CNKSR2: variants seen among roughly 807,000 people sequenced by gnomAD.
The protein encoded by CNKSR2 is CNK homolog protein 2.
A neutral mutation model predicts 84.4 loss-of-function variants in CNKSR2; 14 were observed. The observed-to-expected ratio is 0.17, with a 90% CI of 0.11 to 0.26. CNKSR2 has a LOEUF of 0.26. Among genes scored for constraint, CNKSR2 ranks in the 10% least tolerant of loss-of-function variants. The pLI, the probability that CNKSR2 is intolerant of heterozygous loss-of-function variation, is 1.00. For synonymous variants in CNKSR2, 275 were observed against 277.9 expected (o/e 0.99, Z 0.10); for missense variants, 485 against 771.2 (o/e 0.63, Z 4.40).
chrX:21,490,844 C>T (rs2147042001), intron 6 of CNKSR2: 1 of 164,219 alleles, frequency 6.1e-6, no homozygotes, highest in African/African-American at 3.1e-5. Context: ...TACATTCTTT[C>T]ACCTCCCTCC....
intron 1 of CNKSR2, among the ~76,000 whole-genome samples, chrX:21,386,138 G>A (rs1001778552): frequency 9.2e-6 from 1 of 108,899 alleles, no homozygotes; most frequent in African/African-American, 3.3e-5. Flanking sequence ...ACATTCATAA[G>A]TATATCACAT....
chrX:21,444,762 T>TA (rs142552074), intron 4 of CNKSR2, among the ~76,000 whole-genome samples: 122 of 99,480 alleles, frequency 1.2e-3, no homozygotes, highest in Non-Finnish European at 1.4e-3. Context: ...AAATGTGATT[T>TA]AAAAAAAAAA....
At chrX:21,523,343 C>G (rs906648620) in intron 9 of CNKSR2, among the ~76,000 whole-genome samples, 1 of 111,092 alleles carries the variant, frequency 9.0e-6, no homozygotes, top group African/African-American at 3.3e-5. Context: ...AGATGTAATC[C>G]TAAAGCAGTC....
At chrX:21,521,530 A>G (rs1389852764) in intron 9 of CNKSR2, among the ~76,000 whole-genome samples, 1 of 110,810 alleles carries the variant, frequency 9.0e-6, no homozygotes, top group Non-Finnish European at 1.9e-5. Flanking sequence ...AATTTGAGAA[A>G]ATGGAAGTCC....
At chrX:21,494,913 C>T (rs1434496169) in intron 6 of CNKSR2, 1 of 111,542 alleles carries the variant, frequency 9.0e-6, no homozygotes, top group Non-Finnish European at 1.9e-5. Flanking sequence ...TGCCAAATTC[C>T]AAGGACATGT....
intron 20 of CNKSR2, among the ~76,000 whole-genome samples, chrX:21,627,414 G>A (rs2092628747): frequency 9.0e-6 from 1 of 111,480 alleles, no homozygotes; most frequent in Non-Finnish European, 1.9e-5. Context: ...CAGGAGAATG[G>A]TGTGAACCCG....
At chrX:21,586,697 A>G (rs2092390676) in intron 13 of CNKSR2, among the ~76,000 whole-genome samples, 1 of 112,260 alleles carries the variant, frequency 8.9e-6, no homozygotes, top group African/African-American at 3.2e-5. Flanking sequence ...GGAAGGTTAA[A>G]CAGTGGATAT....
At chrX:21,513,256 T>C (rs907999182) in intron 8 of CNKSR2, among the ~76,000 whole-genome samples, 19 of 111,584 alleles carry the variant, frequency 1.7e-4, no homozygotes, top group African/African-American at 6.2e-4. Flanking sequence ...ATTAGAAAGA[T>C]GTGTAACACT....
Position 21,516,037 on chromosome X carries a change from G to A in CNKSR2, c.811-448G>A, listed in dbSNP as rs147073010. 8.4e-3 allele frequency among the ~76,000 whole-genome samples: 933 copies of A among 111,559 alleles called. 6 individuals are homozygous for A. Among genetic ancestry groups the A allele is most frequent in the African/African-American group, 0.028 (845 of 30,725 alleles). ...AATATCAGTCTAATTTAGAGACACTGGTACCACTTATCTCTAAAAGATGGT... is the reference window on the plus strand; with the variant it reads ...AATATCAGTCTAATTTAGAGACACTAGTACCACTTATCTCTAAAAGATGGT... On this transcript the variant is annotated intron_variant, in intron 8 of 21. Coordinates refer to ENST00000379510, the MANE Select transcript of CNKSR2 (RefSeq NM_014927.5).
intron 9 of CNKSR2, among the ~76,000 whole-genome samples, chrX:21,520,675 A>G (rs1601895390): frequency 9.2e-6 from 1 of 108,596 alleles, no homozygotes; most frequent in East Asian, 2.9e-4. Flanking sequence ...CTTTTAAAAC[A>G]TTTAAAAACC....
intron 9 of CNKSR2, among the ~76,000 whole-genome samples, chrX:21,523,830 A>C (rs1271114330): frequency 3.6e-5 from 4 of 110,728 alleles, no homozygotes; most frequent in African/African-American, 1.3e-4. Flanking sequence ...TGATTTAGTC[A>C]AATTTTTCTT....
At chrX:21,440,661 C>T in intron 3 of CNKSR2, 33 bp from the exon 4 acceptor site, 2 of 861,011 alleles carry the variant, frequency 2.3e-6, no homozygotes, top group Non-Finnish European at 3.3e-6. Flanking sequence ...AAAGCTGTTA[C>T]TAGTAATCAC....
chrX:21,510,544 C>T (rs940195276), intron 8 of CNKSR2, among the ~76,000 whole-genome samples: 1 of 111,153 alleles, frequency 9.0e-6, no homozygotes, highest in Non-Finnish European at 1.9e-5. Context: ...CCTCTATGTA[C>T]TGAGGGGAAA....
intron 11 of CNKSR2, among the ~76,000 whole-genome samples, chrX:21,541,885 A>G (rs1257124508): frequency 8.9e-6 from 1 of 112,046 alleles, no homozygotes; most frequent in Non-Finnish European, 1.9e-5. Flanking sequence ...ACCAGTGGTA[A>G]TGCTAGCTAA....
intron 19 of CNKSR2, among the ~76,000 whole-genome samples, chrX:21,607,558 C>G (rs1360116537): frequency 9.0e-6 from 1 of 111,585 alleles, no homozygotes; most frequent in Non-Finnish European, 1.9e-5. Context: ...AATCCCAGCA[C>G]TTTGGGAGGC....
At chrX:21,503,057 G>A (rs1261428952) in intron 8 of CNKSR2, among the ~76,000 whole-genome samples, 1 of 111,509 alleles carries the variant, frequency 9.0e-6, no homozygotes, top group Non-Finnish European at 1.9e-5. Context: ...TGGTCATTAA[G>A]AGGATAGAGA....
In CNKSR2 at chrX:21,598,026, TAC is replaced by T. The variant is rs767891432; in HGVS notation, c.1976+2647_1976+2648del. On this transcript the variant is annotated intron_variant, in intron 17 of 21. Coordinates refer to ENST00000379510, the MANE Select transcript of CNKSR2 (RefSeq NM_014927.5). ...TCATACACATATATATATATATATA[TAC>T]ACACACACACACACAACAAATATTT... 3.8e-3 allele frequency among the ~76,000 whole-genome samples: 391 copies of T among 103,703 alleles called. 2 individuals carry two copies. The highest frequency in any genetic ancestry group is 0.015 in the Middle Eastern group (3 of 202). The allele number at this position is 103,703 out of a possible 115,157, so 90.1% of individuals were successfully genotyped here.
intron 11 of CNKSR2, among the ~76,000 whole-genome samples, chrX:21,548,381 A>T (rs937706732): frequency 9.0e-6 from 1 of 111,306 alleles, no homozygotes; most frequent in African/African-American, 3.3e-5. Flanking sequence ...GAAGAAGCTG[A>T]CTCCCTAAAT....
At chrX:21,527,056 C>A (rs1016321787) in intron 10 of CNKSR2, 56 bp downstream of exon 10, 74 of 1,050,185 alleles carry the variant, frequency 7.0e-5, no homozygotes, top group Admixed American at 1.7e-4. Context: ...AACCTAACAG[C>A]ATATAAACTG....
Sources: gnomAD v4.1 joint callset for allele counts (sites outside exome capture counted in the v4.1 genomes callset) on GRCh38, gnomAD v4.1.1 for gene constraint, MANE v1.5 for transcripts, NCBI Gene and HGNC (gene_info 2026-07-23, HGNC 2026-07-21) for gene names.